The following C16orf74 variants were observed in gnomAD, a reference collection of about 807,000 sequenced individuals.
C16orf74 encodes the protein calcimembrin, also known as uncharacterized protein C16orf74.
In C16orf74, 10 loss-of-function variants were observed where a neutral mutation model predicts 6.5. That is an observed-to-expected ratio of 1.54 (90% confidence interval 0.95 to 2.61). The LOEUF (loss-of-function observed/expected upper bound fraction) is 2.61, where lower values mean the gene tolerates loss of function less well. Among genes scored for constraint, C16orf74 ranks in the 30% most tolerant of loss-of-function variants. The pLI is 0.00. For synonymous variants in C16orf74, 60 were observed against 42.5 expected, an observed-to-expected ratio of 1.41 and a Z score of -1.60; for missense variants, 141 against 105.9, an observed-to-expected ratio of 1.33 and a Z score of -1.45.
intron 2 of C16orf74, among the ~76,000 whole-genome samples, chr16:85,733,142 G>C (rs145945361): frequency 6.6e-6 from 1 of 152,216 alleles, no homozygotes; most frequent in African/African-American, 2.4e-5. Context: ...CCAAAAGGTG[G>C]AAACAACCCA....
intron 1 of C16orf74, among the ~76,000 whole-genome samples, chr16:85,737,770 G>T (rs969040076): frequency 6.6e-6 from 1 of 152,158 alleles, no homozygotes; most frequent in African/African-American, 2.4e-5. Context: ...GATGGAGGTT[G>T]CAGTGAACCA....
intron 1 of C16orf74, among the ~76,000 whole-genome samples, chr16:85,744,815 G>GA (rs1367911060): frequency 1.1e-4 from 11 of 100,620 alleles, no homozygotes; most frequent in South Asian, 4.2e-4. Flanking sequence ...GGGCAACAGA[G>GA]CAAGACTCCA....
intron 2 of C16orf74, among the ~76,000 whole-genome samples, chr16:85,723,768 G>A (rs570929776): frequency 5.3e-5 from 8 of 152,370 alleles, no homozygotes; most frequent in Non-Finnish European, 8.8e-5. Flanking sequence ...CTGTGGGAAA[G>A]GGTGGGCAGT....
intron 2 of C16orf74, among the ~76,000 whole-genome samples, chr16:85,729,688 A>C (rs1427940301): frequency 6.6e-6 from 1 of 152,200 alleles, no homozygotes; most frequent in African/African-American, 2.4e-5. Context: ...GAGGGGCTCT[A>C]AATCCAATGC....
intron 2 of C16orf74, among the ~76,000 whole-genome samples, chr16:85,734,624 G>C (rs2054224507): frequency 1.3e-5 from 2 of 152,222 alleles, no homozygotes; most frequent in South Asian, 4.1e-4. Flanking sequence ...CCAAGGTAAA[G>C]AAGAGGGGCA....
chr16:85,707,959 A>G lies in C16orf74; in HGVS notation c.*49T>C. ...GGCAGCCACGCCCCCGGACACCTGA[A>G]GCCGGGCCGCTGGAGCAGGAGCCAG... On this transcript the variant is annotated 3_prime_UTR_variant, in exon 4 of 4. Transcript: ENST00000284245. 1 of 1,520,210 alleles carries G rather than the reference A, an allele frequency of 6.6e-7. No individual in the cohort carries two copies. Among genetic ancestry groups the G allele is most frequent in the Non-Finnish European group, 8.9e-7 (1 of 1,120,888 alleles). 94.2% of individuals were successfully genotyped at this position (1,520,210 alleles called of 1,614,324 possible). A position where few individuals can be genotyped will look rare whatever the true frequency, so the allele number is the denominator to read the frequency against.
chr16:85,730,501 C>A (rs1161376181), intron 2 of C16orf74, among the ~76,000 whole-genome samples: 2 of 149,776 alleles, frequency 1.3e-5, no homozygotes, highest in African/African-American at 2.5e-5. Context: ...CCAGACCAGG[C>A]AAGTGAACCC....
intron 2 of C16orf74, among the ~76,000 whole-genome samples, chr16:85,711,549 G>C (rs1208793991): frequency 1.3e-5 from 2 of 151,558 alleles, no homozygotes; most frequent in African/African-American, 4.9e-5. Flanking sequence ...CTTGAATCCG[G>C]GAGGCGGAGG....
At chr16:85,736,997 C>T (rs1008443042) in intron 1 of C16orf74, among the ~76,000 whole-genome samples, 3 of 151,696 alleles carry the variant, frequency 2.0e-5, no homozygotes, top group Non-Finnish European at 2.9e-5. Flanking sequence ...GAGCTGAGAT[C>T]GTGCCACTGC....
chr16:85,714,393 AT>A (rs1407396453), intron 2 of C16orf74, among the ~76,000 whole-genome samples: 1 of 80,864 alleles, frequency 1.2e-5, no homozygotes, highest in Non-Finnish European at 2.3e-5. Flanking sequence ...TTATTTATTT[AT>A]TTATTTATTA....
chr16:85,743,047 A>G (rs1296651941), intron 1 of C16orf74, among the ~76,000 whole-genome samples: 1 of 152,112 alleles, frequency 6.6e-6, no homozygotes, highest in African/African-American at 2.4e-5. Flanking sequence ...CGTGGCCCCA[A>G]TTCCACAGTG....
chr16:85,729,592 AG>A (rs1291135221), intron 2 of C16orf74, among the ~76,000 whole-genome samples: 1 of 152,232 alleles, frequency 6.6e-6, no homozygotes. Context: ...CCAGAACCTC[AG>A]AATATGACCT....
intron 2 of C16orf74, among the ~76,000 whole-genome samples, chr16:85,722,885 A>T (rs996683383): frequency 1.3e-5 from 2 of 152,196 alleles, no homozygotes; most frequent in Admixed American, 1.3e-4. Flanking sequence ...TTGGCTCCTG[A>T]AATGATCTAA....
chr16:85,735,047 A>T, intron 2 of C16orf74, 143 bp downstream of exon 2: 1 of 539,800 alleles, frequency 1.9e-6, no homozygotes, highest in Non-Finnish European at 3.1e-6. Context: ...TTTTTAGAGC[A>T]CCTGCTGTGT....
At chr16:85,748,912 T>C (rs184287267) in intron 1 of C16orf74, among the ~76,000 whole-genome samples, 4 of 148,518 alleles carry the variant, frequency 2.7e-5, no homozygotes, top group East Asian at 2.0e-4. Context: ...ATTCAGATGA[T>C]TGGGAGGCTT....
intron 1 of C16orf74, among the ~76,000 whole-genome samples, chr16:85,746,966 C>T (rs1234316344): frequency 3.3e-5 from 5 of 152,166 alleles, no homozygotes; most frequent in South Asian, 2.1e-4. Flanking sequence ...CACGGTCCTG[C>T]GGGGACAGTG....
At chr16:85,710,980 C>A (rs2053963578) in intron 2 of C16orf74, 1 of 152,092 alleles carries the variant, frequency 6.6e-6, no homozygotes, top group Non-Finnish European at 1.5e-5. Context: ...TCCCTTGAGC[C>A]TAGCGCATGC....
Position 85,746,807 on chromosome 16 carries a change from C to T in C16orf74, c.-19+4119G>A, listed in dbSNP as rs1016069279. Among the ~76,000 whole-genome samples, 5 of 152,340 alleles carry T rather than the reference C, an allele frequency of 3.3e-5. No individual in the cohort carries two copies. The South Asian group carries it at 1.0e-3, about 32-fold the overall frequency. Reference sequence around the variant, plus strand: ...GCAAGCGGGGCTCCCAGCAGGCTCACGACACACATGGTGCTTTTCTTCCTT... The same window carrying T: ...GCAAGCGGGGCTCCCAGCAGGCTCATGACACACATGGTGCTTTTCTTCCTT... On this transcript the variant is annotated intron_variant, in intron 1 of 3. Transcript: ENST00000284245.
chr16:85,709,884 G>A (rs144969989), intron 3 of C16orf74, among the ~76,000 whole-genome samples: 42 of 151,488 alleles, frequency 2.8e-4, no homozygotes, highest in African/African-American at 9.6e-4. Flanking sequence ...GCTGGCCGGA[G>A]CCGCGGCGTG....
Sources: gnomAD v4.1 joint callset for allele counts (sites outside exome capture counted in the v4.1 genomes callset) on GRCh38, gnomAD v4.1.1 for gene constraint, MANE v1.5 for transcripts, NCBI Gene and HGNC (gene_info 2026-07-23, HGNC 2026-07-21) for gene names.